The following EPHA6 variants were observed in gnomAD, a reference collection of about 807,000 sequenced individuals.
The protein encoded by EPHA6 is EPH receptor A6.
Under a neutral mutation model 112.0 loss-of-function variants are expected in EPHA6, and 50 were observed. The ratio of observed to expected loss-of-function variants is 0.45; its 90% confidence interval spans 0.36 to 0.56. The LOEUF is 0.56. Among genes scored for constraint, EPHA6 ranks in the 20% least tolerant of loss-of-function variants. EPHA6 has a pLI of 0.00. For missense variants in EPHA6, 1,280 were observed against 1,417.4 expected (o/e 0.90, Z 1.56); for synonymous variants, 529 against 490.7 (o/e 1.08, Z -1.03).
chr3:96,835,374 CTT>C (rs1479019672), intron 1 of EPHA6, among the ~76,000 whole-genome samples: 3 of 152,006 alleles, frequency 2.0e-5, no homozygotes, highest in Non-Finnish European at 2.9e-5. Context: ...TCAAGAAAGA[CTT>C]TGTATAGGAC....
intron 6 of EPHA6, among the ~76,000 whole-genome samples, chr3:97,411,084 C>T (rs1009588225): frequency 6.6e-6 from 1 of 151,374 alleles, no homozygotes; most frequent in African/African-American, 2.4e-5. Context: ...TTGCAGTGTC[C>T]ACCACAGAGA....
intron 6 of EPHA6, among the ~76,000 whole-genome samples, chr3:97,407,713 A>G (rs1427769036): frequency 6.6e-6 from 1 of 152,058 alleles, no homozygotes; most frequent in Non-Finnish European, 1.5e-5. Flanking sequence ...GAAAAGTTAC[A>G]AAACTTTTTA....
intron 14 of EPHA6, among the ~76,000 whole-genome samples, chr3:97,667,751 C>T (rs1036875102): frequency 6.6e-6 from 1 of 152,086 alleles, no homozygotes; most frequent in Non-Finnish European, 1.5e-5. Flanking sequence ...CAGACCAGTG[C>T]CTGACAGATC....
At chr3:97,616,131 C>T (rs545764264) in intron 13 of EPHA6, among the ~76,000 whole-genome samples, 7 of 152,122 alleles carry the variant, frequency 4.6e-5, no homozygotes, top group African/African-American at 7.2e-5. Flanking sequence ...GCCATCTTTG[C>T]GGTTTCAGAG....
At chr3:97,473,617 G>A (rs922248126) in intron 7 of EPHA6, among the ~76,000 whole-genome samples, 7 of 151,756 alleles carry the variant, frequency 4.6e-5, no homozygotes, top group African/African-American at 1.7e-4. Context: ...AGTAAATAAT[G>A]TTTTTTGGGT....
At chr3:97,650,856 C>A (rs78842657) in intron 14 of EPHA6, among the ~76,000 whole-genome samples, 736 of 95,636 alleles carry the variant, frequency 7.7e-3, no homozygotes, top group Middle Eastern at 0.017. Flanking sequence ...GACTCCATCT[C>A]AAAAAAAAAA....
At chr3:97,086,716 A>C (rs1022573647) in intron 3 of EPHA6, among the ~76,000 whole-genome samples, 2 of 152,158 alleles carry the variant, frequency 1.3e-5, no homozygotes, top group African/African-American at 4.8e-5. Context: ...ATAGATATTT[A>C]CATAACATTT....
At position 96,829,947 on chromosome 3, in the gene EPHA6, G is replaced by GCACA. The variant is rs1349079216; in HGVS notation, c.385+14940_385+14941insACAC. Among the ~76,000 whole-genome samples the GCACA allele has an allele frequency of 1.0e-3, 72 of 70,508 alleles. No homozygotes were observed. The East Asian group carries it at 0.014, about 14-fold the overall frequency. The allele number at this position is 70,508 out of a possible 152,430, so 46.3% of individuals were successfully genotyped here. A position where few individuals can be genotyped will look rare whatever the true frequency, so the allele number is the denominator to read the frequency against. ...CACATGCACGTGCATGTGCGCGCGCGCGCACACACACACACACACACACAC... is the reference window on the plus strand; with the variant it reads ...CACATGCACGTGCATGTGCGCGCGCGCACACGCACACACACACACACACACACAC... On this transcript the variant is annotated intron_variant, in intron 1 of 17. Coordinates refer to ENST00000389672, the MANE Select transcript of EPHA6 (RefSeq NM_001080448.3).
At chr3:97,486,467 A>G (rs999455999) in intron 10 of EPHA6, among the ~76,000 whole-genome samples, 4 of 152,210 alleles carry the variant, frequency 2.6e-5, no homozygotes, top group African/African-American at 9.6e-5. Context: ...TTTATAATGA[A>G]CAGAGTTTTT....
rs762517153 is a variant in EPHA6 at position 96,890,492 on chromosome 3, A to C, written c.450+23603A>C. ...TATGTTATTTAAAAATGTATACTAG[A>C]ATAGTATCATATTTATGTGGTACAT... On this transcript the variant is annotated intron_variant, in intron 2 of 17. Coordinates refer to ENST00000389672, the MANE Select transcript of EPHA6 (RefSeq NM_001080448.3). 1.8e-4 allele frequency among the ~76,000 whole-genome samples: 28 copies of C among 152,324 alleles called. No individual in the cohort carries two copies. In the Middle Eastern group the frequency reaches 0.017, roughly 93 times the overall value.
At chr3:97,432,441 G>A (rs2089568269) in intron 6 of EPHA6, among the ~76,000 whole-genome samples, 2 of 152,078 alleles carry the variant, frequency 1.3e-5, no homozygotes, top group African/African-American at 4.8e-5. Context: ...ATTGTAAGGT[G>A]GATAGAACTG....
intron 11 of EPHA6, chr3:97,560,461 C>T (rs1463268050): frequency 6.6e-6 from 1 of 151,976 alleles, no homozygotes; most frequent in African/African-American, 2.4e-5. Context: ...TAATTTGGTT[C>T]CTCAGGCACA....
intron 5 of EPHA6, among the ~76,000 whole-genome samples, chr3:97,325,812 A>G (rs1001186583): frequency 6.6e-6 from 1 of 152,140 alleles, no homozygotes; most frequent in African/African-American, 2.4e-5. Context: ...CGTTAAAACC[A>G]ACTTGCCATC....
At chr3:97,079,606 TA>T (rs71113851) in intron 3 of EPHA6, among the ~76,000 whole-genome samples, 15,723 of 113,182 alleles carry the variant, frequency 0.14, 1,280 homozygotes, top group Admixed American at 0.28. Flanking sequence ...AAATTAAAAG[TA>T]AAAAAAAAAA....
chr3:96,866,717 T>C (rs955555943), intron 1 of EPHA6, 108 bp from the exon 2 acceptor site: 3 of 536,832 alleles, frequency 5.6e-6, no homozygotes, highest in Non-Finnish European at 9.5e-6. Flanking sequence ...CAGTGAATAA[T>C]AGTAAGTGTA....
At chr3:97,341,619 C>A (rs1441229974) in intron 5 of EPHA6, among the ~76,000 whole-genome samples, 1 of 152,078 alleles carries the variant, frequency 6.6e-6, no homozygotes, top group African/African-American at 2.4e-5. Context: ...TCCCAAAGAG[C>A]TGGGATTACT....
intron 5 of EPHA6, among the ~76,000 whole-genome samples, chr3:97,312,894 C>T (rs910924879): frequency 6.6e-6 from 1 of 151,454 alleles, no homozygotes; most frequent in African/African-American, 2.4e-5. Flanking sequence ...TCCATCATCT[C>T]ACCAACTTAT....
intron 2 of EPHA6, among the ~76,000 whole-genome samples, chr3:96,972,309 T>C (rs912489836): frequency 6.6e-6 from 1 of 151,996 alleles, no homozygotes; most frequent in Non-Finnish European, 1.5e-5. Context: ...GAGGAGGAAA[T>C]AAATTTATGC....
intron 3 of EPHA6, among the ~76,000 whole-genome samples, chr3:97,031,973 T>C (rs1268499855): frequency 6.6e-6 from 1 of 152,212 alleles, no homozygotes; most frequent in African/African-American, 2.4e-5. Flanking sequence ...TTATAAATTA[T>C]GCTGCTATAA....
Sources: gnomAD v4.1 joint callset for allele counts (sites outside exome capture counted in the v4.1 genomes callset) on GRCh38, gnomAD v4.1.1 for gene constraint, MANE v1.5 for transcripts, NCBI Gene and HGNC (gene_info 2026-07-23, HGNC 2026-07-21) for gene names.